Variants in TENM3 observed in about 807,000 individuals in gnomAD.
The protein encoded by TENM3 is teneurin-3.
In TENM3, 63 loss-of-function variants were observed where a neutral mutation model predicts 255.1. The ratio of observed to expected loss-of-function variants is 0.25; its 90% CI spans 0.20 to 0.30. The LOEUF is 0.30. Among genes scored for constraint, TENM3 ranks in the 10% least tolerant of loss-of-function variants. The probability of loss-of-function intolerance (pLI) is 1.00; values close to 1 mark genes in which losing one functional copy is unlikely to be tolerated. For missense variants in TENM3, 2,929 were observed against 3,461.1 expected (o/e 0.85, Z 3.86); for synonymous variants, 1,306 against 1,322.3 (o/e 0.99, Z 0.27).
chr4:181,782,031 T>C, the TENM3 span, among the ~76,000 whole-genome samples: 3 of 152,220 alleles, frequency 2.0e-5, no homozygotes, highest in Non-Finnish European at 2.9e-5. Context: ...CAGTATTTTA[T>C]TGAGGATTTT....
At chr4:182,042,766 T>G in the TENM3 span, among the ~76,000 whole-genome samples, 5 of 151,930 alleles carry the variant, frequency 3.3e-5, no homozygotes, top group Non-Finnish European at 7.4e-5. Flanking sequence ...TTAGAGGGCA[T>G]GCATACATCT....
At chr4:181,519,932 G>A in the TENM3 span, among the ~76,000 whole-genome samples, 1 of 152,146 alleles carries the variant, frequency 6.6e-6, no homozygotes, top group Admixed American at 6.5e-5. Flanking sequence ...CACATGACTC[G>A]TTCGGCACAT....
the TENM3 span, among the ~76,000 whole-genome samples, chr4:181,783,730 G>T: frequency 2.6e-5 from 4 of 152,146 alleles, no homozygotes; most frequent in Non-Finnish European, 5.9e-5. Context: ...GCCTCCCTCT[G>T]TTGTCCAGGC....
At chr4:182,261,700 C>T (rs1758803478) in intron 1 of TENM3, among the ~76,000 whole-genome samples, 2 of 152,202 alleles carry the variant, frequency 1.3e-5, no homozygotes, top group Non-Finnish European at 2.9e-5. Context: ...CGGGGCATTC[C>T]CTACCAAGAC....
the TENM3 span, among the ~76,000 whole-genome samples, chr4:181,884,254 C>T: frequency 6.6e-6 from 1 of 151,882 alleles, no homozygotes; most frequent in Non-Finnish European, 1.5e-5. Flanking sequence ...TGAATTACTA[C>T]GAATTTCCCG....
chr4:182,512,902 C>T (rs538768003), intron 3 of TENM3, among the ~76,000 whole-genome samples: 4 of 152,114 alleles, frequency 2.6e-5, no homozygotes, highest in African/African-American at 9.7e-5. Context: ...CCAGTTTATA[C>T]GTCTATACTG....
chr4:181,547,966 C>CCCCCG, the TENM3 span, among the ~76,000 whole-genome samples: 55 of 151,846 alleles, frequency 3.6e-4, 1 homozygote, highest in Admixed American at 1.2e-3. Flanking sequence ...CCCGTCCCCC[C>CCCCCG]ACCCCACAAC....
chr4:182,400,147 G>T (rs1168079754), intron 3 of TENM3, among the ~76,000 whole-genome samples: 1 of 151,888 alleles, frequency 6.6e-6, no homozygotes, highest in Non-Finnish European at 1.5e-5. Flanking sequence ...TTTAGTATTT[G>T]TCATCTTGTT....
At chr4:181,761,042 C>T in the TENM3 span, among the ~76,000 whole-genome samples, 911 of 148,464 alleles carry the variant, frequency 6.1e-3, 12 homozygotes, top group Middle Eastern at 0.035. Context: ...TAAGTCTGTT[C>T]TATAAATTAT....
chr4:181,978,127 A>T, the TENM3 span, among the ~76,000 whole-genome samples: 2 of 152,212 alleles, frequency 1.3e-5, no homozygotes, highest in South Asian at 4.1e-4. Context: ...AGAATGAATC[A>T]TTTTAAAGTA....
intron 3 of TENM3, among the ~76,000 whole-genome samples, chr4:182,488,281 G>A (rs1580720713): frequency 6.6e-6 from 1 of 152,038 alleles, no homozygotes; most frequent in Non-Finnish European, 1.5e-5. Context: ...TGTCCAAATC[G>A]AAAGAGGGTT....
At chr4:182,380,006 C>T (rs7659313) in intron 3 of TENM3, among the ~76,000 whole-genome samples, 14,965 of 152,172 alleles carry the variant, frequency 0.098, 1,142 homozygotes, top group East Asian at 0.36. Flanking sequence ...CAGTGGCTCA[C>T]CCCTGTAATC....
At chr4:181,547,844 A>G in the TENM3 span, among the ~76,000 whole-genome samples, 1 of 151,754 alleles carries the variant, frequency 6.6e-6, no homozygotes, top group African/African-American at 2.4e-5. Context: ...TTTAGGGTAC[A>G]TGTGCACAAT....
chr4:181,974,758 G>C, the TENM3 span, among the ~76,000 whole-genome samples: 6 of 152,146 alleles, frequency 3.9e-5, no homozygotes, highest in Admixed American at 1.3e-4. Context: ...GAACTGATAT[G>C]ATCTTACTTC....
intron 3 of TENM3, among the ~76,000 whole-genome samples, chr4:182,542,569 C>T (rs531289757): frequency 3.9e-4 from 60 of 152,156 alleles, no homozygotes; most frequent in African/African-American, 1.4e-3. Flanking sequence ...ATACTGAGAG[C>T]ACAATTCTTT....
At chr4:181,693,580 G>A in the TENM3 span, among the ~76,000 whole-genome samples, 8 of 152,130 alleles carry the variant, frequency 5.3e-5, no homozygotes, top group Non-Finnish European at 8.8e-5. Context: ...CTCTCAGCGG[G>A]AGAAAAAGAA....
the TENM3 span, among the ~76,000 whole-genome samples, chr4:181,453,245 T>A: frequency 1.3e-5 from 2 of 152,034 alleles, no homozygotes; most frequent in Non-Finnish European, 2.9e-5. Flanking sequence ...ACAGGAAGTG[T>A]CTGGTGTAAA....
At chr4:182,272,167 G>C (rs539177099) in intron 1 of TENM3, among the ~76,000 whole-genome samples, 1 of 152,150 alleles carries the variant, frequency 6.6e-6, no homozygotes. Flanking sequence ...CAAAGGTTCC[G>C]TAGACTGAAA....
the TENM3 span, among the ~76,000 whole-genome samples, chr4:181,653,397 T>A: frequency 1.5e-5 from 2 of 137,876 alleles, no homozygotes; most frequent in Non-Finnish European, 3.2e-5. Flanking sequence ...TGTTTTGTTT[T>A]GTTTGTTTGT....
Sources: gnomAD v4.1 joint callset for allele counts (sites outside exome capture counted in the v4.1 genomes callset) on GRCh38, gnomAD v4.1.1 for gene constraint, MANE v1.5 for transcripts, NCBI Gene and HGNC (gene_info 2026-07-23, HGNC 2026-07-21) for gene names.